Variants in RALGAPA1 observed in about 807,000 individuals in gnomAD.
RALGAPA1 encodes the protein ral GTPase-activating protein subunit alpha-1.
In RALGAPA1, 52 loss-of-function variants were observed where a neutral mutation model predicts 269.6. The ratio of observed to expected loss-of-function variants is 0.19; its 90% confidence interval spans 0.15 to 0.24. The LOEUF is 0.24. Among genes scored for constraint, RALGAPA1 ranks in the 10% least tolerant of loss-of-function variants. The pLI is 1.00. For missense variants in RALGAPA1, 1,917 were observed against 3,013.9 expected (o/e 0.64, Z 8.52); for synonymous variants, 817 against 1,008.3 (o/e 0.81, Z 3.60).
intron 1 of RALGAPA1, among the ~76,000 whole-genome samples, chr14:35,793,475 C>G (rs1244506924): frequency 2.0e-5 from 3 of 152,028 alleles, no homozygotes; most frequent in African/African-American, 7.2e-5. Context: ...CTCAGCTGAT[C>G]CACCCACCTC....
intron 16 of RALGAPA1, among the ~76,000 whole-genome samples, chr14:35,709,471 T>TTTA (rs2068102394): frequency 6.6e-6 from 1 of 152,158 alleles, no homozygotes; most frequent in Non-Finnish European, 1.5e-5. Context: ...TTAACTTAGC[T>TTTA]ACAGATTTAT....
intron 33 of RALGAPA1, among the ~76,000 whole-genome samples, chr14:35,631,692 C>T (rs1314656350): frequency 6.6e-6 from 1 of 152,074 alleles, no homozygotes; most frequent in Non-Finnish European, 1.5e-5. Context: ...GATTCATGAT[C>T]ACAAATACAT....
chr14:35,563,971 A>T (rs2056494990), intron 39 of RALGAPA1, among the ~76,000 whole-genome samples: 1 of 152,178 alleles, frequency 6.6e-6, no homozygotes, highest in Non-Finnish European at 1.5e-5. Flanking sequence ...TCTACTGAAC[A>T]GTGTATTGCT....
chr14:35,661,281 G>A (rs2063524755), intron 27 of RALGAPA1, among the ~76,000 whole-genome samples: 1 of 151,944 alleles, frequency 6.6e-6, no homozygotes, highest in Admixed American at 6.6e-5. Flanking sequence ...TAAAGCTAAG[G>A]GAGAATATTC....
chr14:35,567,715 A>G (rs2056825150), intron 39 of RALGAPA1, among the ~76,000 whole-genome samples: 1 of 152,142 alleles, frequency 6.6e-6, no homozygotes. Flanking sequence ...CTTGGTAAGG[A>G]GTGCATCTTA....
Position 35,686,640 on chromosome 14 carries a change from GT to G in RALGAPA1, c.3978del (p.Lys1326AsnfsTer19). 3.1e-6 allele frequency: 5 copies of G among 1,594,692 alleles called. No individual in the cohort carries two copies. The highest frequency in any genetic ancestry group is 1.7e-5 in the Admixed American group (1 of 58,788). ...AAVNKEDMSQ[K>X]LPPLNSDIGG... ...CCAATATCACTATTAAGAGGAGGCA[GT>G]TTTTGGCTCATGTCCTCTTTATTGA... On this transcript the variant is annotated frameshift_variant, in exon 19 of 42. Coordinates refer to ENST00000680220, the MANE Select transcript of RALGAPA1 (RefSeq NM_001346249.2). LOFTEE classifies it high-confidence loss of function.
At chr14:35,617,534 C>T (rs2060328117) in intron 35 of RALGAPA1, among the ~76,000 whole-genome samples, 1 of 149,864 alleles carries the variant, frequency 6.7e-6, no homozygotes, top group Non-Finnish European at 1.5e-5. Context: ...AGGAGAATCA[C>T]TTGAACCCCG....
chr14:35,723,387 T>A (rs138592343), intron 14 of RALGAPA1, 123 bp from the exon 15 acceptor site: 16 of 584,184 alleles, frequency 2.7e-5, no homozygotes, highest in Admixed American at 6.2e-5. Flanking sequence ...ATGCTTTTTT[T>A]AATAGATAAT....
chr14:35,621,671 AAAAC>A (rs1157742230), intron 35 of RALGAPA1, among the ~76,000 whole-genome samples: 2 of 152,214 alleles, frequency 1.3e-5, no homozygotes, highest in Non-Finnish European at 2.9e-5. Context: ...TTACAAGAAA[AAAAC>A]AAACAACGCC....
intron 16 of RALGAPA1, among the ~76,000 whole-genome samples, chr14:35,721,338 C>T (rs2140952674): frequency 6.6e-6 from 1 of 152,268 alleles, no homozygotes; most frequent in South Asian, 2.1e-4. Context: ...CCTAATTTTC[C>T]ATATTTGTGA....
rs535021716 is a variant in RALGAPA1, at chr14:35,660,763, T to C, written c.5329-1567A>G. Among the ~76,000 whole-genome samples the C allele has an allele frequency of 3.3e-5, 5 of 152,010 alleles. No individual in the cohort carries two copies. The East Asian group carries it at 7.7e-4, about 23-fold the overall frequency. ...ACCCACACACGTACATGAATACACATAAAATAGAATACCACTCAGCCTTTA... is the reference window on the plus strand; with the variant it reads ...ACCCACACACGTACATGAATACACACAAAATAGAATACCACTCAGCCTTTA... On this transcript the variant is annotated intron_variant, in intron 27 of 41. Coordinates refer to ENST00000680220, the MANE Select transcript of RALGAPA1 (RefSeq NM_001346249.2).
At chr14:35,784,227 A>G (rs28599715) in intron 1 of RALGAPA1, among the ~76,000 whole-genome samples, 16,950 of 152,194 alleles carry the variant, frequency 0.11, 1,564 homozygotes, top group East Asian at 0.37. Context: ...CCAAATGTCC[A>G]TCAATTGATG....
intron 35 of RALGAPA1, among the ~76,000 whole-genome samples, chr14:35,618,424 C>T (rs2060393858): frequency 6.6e-6 from 1 of 152,008 alleles, no homozygotes; most frequent in African/African-American, 2.4e-5. Context: ...AATTTAACAT[C>T]CTTTCCATAT....
At chr14:35,655,770 C>T (rs1427166004) in intron 29 of RALGAPA1, 37 bp downstream of exon 29, 6 of 1,594,952 alleles carry the variant, frequency 3.8e-6, no homozygotes, top group Admixed American at 3.6e-5. Flanking sequence ...TGCATTCTCT[C>T]CTATCTTAAT....
At chr14:35,784,961 T>C (rs115612508) in intron 1 of RALGAPA1, among the ~76,000 whole-genome samples, 104 of 152,308 alleles carry the variant, frequency 6.8e-4, no homozygotes, top group Middle Eastern at 3.4e-3. Flanking sequence ...AGTGGGAGGA[T>C]AGCTTGAGGC....
intron 33 of RALGAPA1, among the ~76,000 whole-genome samples, chr14:35,630,666 G>A (rs2061304231): frequency 2.6e-5 from 4 of 152,124 alleles, no homozygotes; most frequent in Admixed American, 2.6e-4. Flanking sequence ...AAGCTGAGGC[G>A]GGCCAATCAC....
intron 10 of RALGAPA1, among the ~76,000 whole-genome samples, chr14:35,744,684 C>T (rs1330712971): frequency 1.3e-5 from 2 of 152,106 alleles, no homozygotes; most frequent in African/African-American, 4.8e-5. Flanking sequence ...TTGTTATTTT[C>T]TTTAATCAAC....
intron 4 of RALGAPA1, among the ~76,000 whole-genome samples, chr14:35,770,077 T>C (rs1279716971): frequency 6.6e-6 from 1 of 152,120 alleles, no homozygotes; most frequent in Non-Finnish European, 1.5e-5. Flanking sequence ...TAAATAGGAT[T>C]TACCTCAGGT....
intron 36 of RALGAPA1, among the ~76,000 whole-genome samples, chr14:35,597,190 T>G (rs2139039327): frequency 6.6e-6 from 1 of 152,324 alleles, no homozygotes; most frequent in South Asian, 2.1e-4. Flanking sequence ...ACGTGAAACT[T>G]TAAGTCAAAG....
Sources: gnomAD v4.1 joint callset for allele counts (sites outside exome capture counted in the v4.1 genomes callset) on GRCh38, gnomAD v4.1.1 for gene constraint, MANE v1.5 for transcripts, NCBI Gene and HGNC (gene_info 2026-07-23, HGNC 2026-07-21) for gene names.